The following C4BPA variants were observed in gnomAD, a reference collection of about 807,000 sequenced individuals.
The protein encoded by C4BPA is complement component 4 binding protein alpha, also known as C4b-binding protein alpha chain.
C4BPA carries 31 observed loss-of-function variants against 63.7 expected under a neutral mutation model. That is an observed-to-expected ratio of 0.49 (90% CI 0.37 to 0.66). The LOEUF (loss-of-function observed/expected upper bound fraction) is 0.66. C4BPA is among the 30% of genes least tolerant of loss of function. C4BPA has a pLI of 0.00. For synonymous variants in C4BPA, 259 were observed against 254.7 expected (o/e 1.02, Z -0.16); for missense variants, 572 against 723.3 (o/e 0.79, Z 2.40).
rs551720684 is a variant in C4BPA, at chr1:207,144,800, T to C, written c.*83T>C. 1,762 of 795,874 alleles carry C rather than the reference T, an allele frequency of 2.2e-3. 2 individuals carry two copies. The highest frequency in any genetic ancestry group is 2.9e-3 in the Non-Finnish European group (1,575 of 541,486). The allele number at this position is 795,874 out of a possible 1,614,324, so 49.3% of individuals were successfully genotyped here. A position where few individuals can be genotyped will look rare whatever the true frequency, so the allele number is the denominator to read the frequency against. ...ACAGATCAGTTTAGCAAATCTACTG[T>C]CAATTTGGCAGTGATATTCATCATA... On this transcript the variant is annotated 3_prime_UTR_variant, in exon 12 of 12. Coordinates refer to ENST00000367070, the MANE Select transcript of C4BPA (RefSeq NM_000715.4).
intron 8 of C4BPA, 86 bp from the exon 9 acceptor site, chr1:207,134,318 G>A (rs900412239): frequency 1.1e-5 from 11 of 968,032 alleles, no homozygotes; most frequent in East Asian, 2.4e-5. Context: ...TGGTGAGATC[G>A]TCCAAAGATG....
intron 10 of C4BPA, among the ~76,000 whole-genome samples, chr1:207,142,841 T>C (rs535986281): frequency 6.6e-6 from 1 of 152,108 alleles, no homozygotes; most frequent in Non-Finnish European, 1.5e-5. Flanking sequence ...GGAAACAACA[T>C]GCTGGAGAGG....
intron 7 of C4BPA, among the ~76,000 whole-genome samples, chr1:207,130,762 GA>G (rs542314449): frequency 1.8e-4 from 27 of 152,160 alleles, no homozygotes; most frequent in African/African-American, 5.8e-4. Context: ...AATCCATAAA[GA>G]AAAAAATAGA....
At chr1:207,115,200 A>T (rs917499963) in intron 3 of C4BPA, among the ~76,000 whole-genome samples, 3 of 152,120 alleles carry the variant, frequency 2.0e-5, no homozygotes, top group African/African-American at 7.2e-5. Flanking sequence ...CAATTATTTA[A>T]CTGGTCATTT....
intron 1 of C4BPA, among the ~76,000 whole-genome samples, chr1:207,106,272 TC>T (rs1373350167): frequency 6.6e-6 from 1 of 152,118 alleles, no homozygotes; most frequent in Non-Finnish European, 1.5e-5. Context: ...GTTAGGGAAG[TC>T]TAGTCACTGT....
At chr1:207,136,759 G>A (rs1000650724) in intron 9 of C4BPA, among the ~76,000 whole-genome samples, 6 of 152,120 alleles carry the variant, frequency 3.9e-5, no homozygotes, top group Admixed American at 1.3e-4. Context: ...TAGAGGAATT[G>A]GAGTTTCAGA....
rs1685157163 is a variant in C4BPA at position 207,131,463 on chromosome 1, TTTGATAGGACAGGCTTA to T, written c.890-78_890-62del. The T allele has an allele frequency of 4.2e-6, 4 of 948,806 alleles. No individual in the cohort carries two copies. In the South Asian group the frequency reaches 6.5e-5, roughly 15 times the overall value. The allele number at this position is 948,806 out of a possible 1,614,324, so 58.8% of individuals were successfully genotyped here. The stretch of plus-strand genomic sequence containing the variant: ...CAGGCTGAATGAACGTATGACCCCC[TTTGATAGGACAGGCTTA>T]TTGACTGCTGTGGCAGCCCTAGTAA... On this transcript the variant is annotated intron_variant, in intron 7 of 11. Transcript: ENST00000367070.
chr1:207,120,820 T>C (rs1449372800), intron 4 of C4BPA, among the ~76,000 whole-genome samples: 1 of 152,210 alleles, frequency 6.6e-6, no homozygotes, highest in Admixed American at 6.5e-5. Context: ...ATTTACTTTC[T>C]TTTTTTGAGA....
At chr1:207,111,112 A>G (rs1188492727) in intron 1 of C4BPA, among the ~76,000 whole-genome samples, 1 of 152,230 alleles carries the variant, frequency 6.6e-6, no homozygotes, top group Non-Finnish European at 1.5e-5. Context: ...ATGATGAGTG[A>G]GGTGGTTTTC....
In C4BPA at chr1:207,131,759, A is replaced by G. The variant is rs760356837; in HGVS notation, c.1084+19A>G. 1.3e-6 allele frequency: 2 copies of G among 1,508,748 alleles called. No homozygotes were observed. Among genetic ancestry groups the G allele is most frequent in the Non-Finnish European group, 1.8e-6 (2 of 1,093,568 alleles). The allele number at this position is 1,508,748 out of a possible 1,614,324, so 93.5% of individuals were successfully genotyped here. A position where few individuals can be genotyped will look rare whatever the true frequency, so the allele number is the denominator to read the frequency against. On this transcript the variant is annotated intron_variant, in intron 8 of 11. Coordinates refer to ENST00000367070, the MANE Select transcript of C4BPA (RefSeq NM_000715.4). ...TGTGAGGGTGAGTTTTTGTTTTTTA[A>G]TATTTTTGTATATTAAATGTCCAGT...
intron 7 of C4BPA, among the ~76,000 whole-genome samples, chr1:207,129,888 CTT>C (rs773397936): frequency 3.7e-4 from 56 of 152,062 alleles, no homozygotes; most frequent in Non-Finnish European, 7.4e-4. Flanking sequence ...TTCTGGCGCT[CTT>C]TATTTCTTCC....
intron 8 of C4BPA, among the ~76,000 whole-genome samples, chr1:207,131,965 G>A (rs1685169699): frequency 6.6e-6 from 1 of 152,178 alleles, no homozygotes; most frequent in Non-Finnish European, 1.5e-5. Context: ...CAAATGAGAA[G>A]TAGACACAGA....
At chr1:207,118,206 ATCATCTG>A (rs137872249) in intron 4 of C4BPA, among the ~76,000 whole-genome samples, 934 of 61,356 alleles carry the variant, frequency 0.015, 4 homozygotes, top group Admixed American at 0.026. Flanking sequence ...CTATCTATCT[ATCATCTG>A]TCTATCTATC....
rs750722809 is a variant in C4BPA at position 207,126,796 on chromosome 1, G to C, written c.790G>C (p.Val264Leu). The change falls in exon 7 of 12, where the codon GTG becomes CTG. Residue 264 changes from valine to leucine, a missense_variant. By Grantham distance (32) the Val-to-Leu change is conservative. This residue lies in a region of C4BPA where 465 missense variants were observed against 629.4 expected (regional missense o/e 0.74). Transcript: ENST00000367070. ...GPIYNYKDTI[V>L]FKCQKGFVLR... is the part of the protein sequence containing the mutation. Reference sequence around the variant, plus strand: ...CATCTATAATTACAAAGACACTATTGTGTTTAAGTGCCAAAAAGGTTTTGT... The same window carrying C: ...CATCTATAATTACAAAGACACTATTCTGTTTAAGTGCCAAAAAGGTTTTGT... The C allele has an allele frequency of 2.4e-5, 39 of 1,612,648 alleles. No homozygotes were observed. The highest frequency in any genetic ancestry group is 7.7e-5 in the South Asian group (7 of 90,960).
intron 1 of C4BPA, among the ~76,000 whole-genome samples, chr1:207,108,653 A>G (rs959283415): frequency 1.3e-5 from 2 of 152,214 alleles, no homozygotes; most frequent in African/African-American, 4.8e-5. Context: ...TAACAATTGA[A>G]TTTATGGAGC....
chr1:207,128,005 A>G (rs955112095), intron 7 of C4BPA, among the ~76,000 whole-genome samples: 2 of 152,202 alleles, frequency 1.3e-5, no homozygotes, highest in African/African-American at 4.8e-5. Flanking sequence ...GCAAACATGC[A>G]TCAGTGTCTG....
At chr1:207,120,477 T>C (rs1489284011) in intron 4 of C4BPA, among the ~76,000 whole-genome samples, 3 of 152,172 alleles carry the variant, frequency 2.0e-5, no homozygotes, top group African/African-American at 7.2e-5. Flanking sequence ...ACTTCCAAAC[T>C]GACTGGGCCA....
At chr1:207,130,172 G>A (rs558607422) in intron 7 of C4BPA, among the ~76,000 whole-genome samples, 18 of 152,212 alleles carry the variant, frequency 1.2e-4, no homozygotes, top group Admixed American at 4.6e-4. Context: ...TCAAATTACC[G>A]TCTGGTGTCA....
intron 9 of C4BPA, among the ~76,000 whole-genome samples, chr1:207,134,797 A>G (rs891492774): frequency 6.6e-6 from 1 of 152,202 alleles, no homozygotes; most frequent in African/African-American, 2.4e-5. Context: ...CAGTGAAAAT[A>G]GACAACATGT....
Sources: allele counts gnomAD v4.1 joint callset (sites outside exome capture counted in the v4.1 genomes callset), GRCh38; gene constraint gnomAD v4.1.1; regional missense constraint gnomAD v4.1.1; transcripts MANE v1.5; gene names NCBI Gene and HGNC (gene_info 2026-07-23, HGNC 2026-07-21).